Variants in ASCC1 observed in about 807,000 individuals in gnomAD.
ASCC1 encodes the protein ASC-1 complex subunit P50.
Under a neutral mutation model 46.6 loss-of-function variants are expected in ASCC1, and 35 were observed. The ratio of observed to expected loss-of-function variants is 0.75; its 90% CI spans 0.57 to 0.99. The LOEUF is 0.99. Ranked by LOEUF, ASCC1 falls within the 50% of genes least tolerant of loss-of-function variation. ASCC1 has a pLI of 0.00. For missense variants in ASCC1, 376 were observed against 428.7 expected (o/e 0.88, Z 1.09); for synonymous variants, 143 against 146.6 (o/e 0.98, Z 0.18).
At chr10:72,169,655 C>T (rs1051988820) in intron 5 of ASCC1, among the ~76,000 whole-genome samples, 12 of 152,112 alleles carry the variant, frequency 7.9e-5, no homozygotes, top group African/African-American at 2.9e-4. Context: ...GGTATGTATG[C>T]CTCTTACATA....
At chr10:72,217,134 G>A (rs1042176380), upstream of ASCC1, 14 of 443,388 alleles carry the variant, frequency 3.2e-5, no homozygotes, top group Non-Finnish European at 5.4e-5. Flanking sequence ...AGGGTAGAAA[G>A]ACTTTTCGAA....
At chr10:72,108,163 A>G (rs1589178317) in intron 9 of ASCC1, among the ~76,000 whole-genome samples, 2 of 142,284 alleles carry the variant, frequency 1.4e-5, no homozygotes, top group South Asian at 4.4e-4. Flanking sequence ...TGCAGCCTCC[A>G]CCTCCCAGGC....
chr10:72,141,603 C>G (rs1847026707), intron 7 of ASCC1, among the ~76,000 whole-genome samples: 1 of 152,118 alleles, frequency 6.6e-6, no homozygotes, highest in Non-Finnish European at 1.5e-5. Context: ...TTAATTTATA[C>G]TTTTACCAGC....
intron 2 of ASCC1, among the ~76,000 whole-genome samples, chr10:72,211,047 A>C (rs1050738543): frequency 6.6e-6 from 1 of 152,204 alleles, no homozygotes; most frequent in African/African-American, 2.4e-5. Context: ...GACTATTTTA[A>C]ATCTTTCAGT....
At chr10:72,193,440 AACAAAACAC>A (rs1161616755) in intron 5 of ASCC1, among the ~76,000 whole-genome samples, 1 of 115,762 alleles carries the variant, frequency 8.6e-6, no homozygotes, top group Non-Finnish European at 1.7e-5. Context: ...ACAAATAATA[AACAAAACAC>A]ACACACACAC....
chr10:72,137,759 G>A (rs1427941146), intron 7 of ASCC1, among the ~76,000 whole-genome samples: 5 of 152,084 alleles, frequency 3.3e-5, no homozygotes, highest in Non-Finnish European at 7.4e-5. Flanking sequence ...TGTGTTAAAT[G>A]TATATCTATG....
intron 7 of ASCC1, chr10:72,133,485 G>T (rs566376440): frequency 2.9e-6 from 1 of 347,650 alleles, no homozygotes; most frequent in South Asian, 2.9e-5. Flanking sequence ...AGTCTGGAAT[G>T]ATCATTAAAG....
chr10:72,197,090 G>C (rs1855547959), intron 4 of ASCC1, 101 bp from the exon 5 acceptor site: 1 of 1,050,832 alleles, frequency 9.5e-7, no homozygotes, highest in South Asian at 1.3e-5. Flanking sequence ...AAGCAGTTCT[G>C]AATGCGTATA....
intron 9 of ASCC1, among the ~76,000 whole-genome samples, chr10:72,099,115 G>A (rs1841422060): frequency 6.6e-6 from 1 of 152,122 alleles, no homozygotes; most frequent in South Asian, 2.1e-4. Flanking sequence ...TTAAGGATTG[G>A]CAGCCTGTGA....
At chr10:72,126,517 C>T (rs1844879057) in intron 9 of ASCC1, among the ~76,000 whole-genome samples, 1 of 152,166 alleles carries the variant, frequency 6.6e-6, no homozygotes, top group African/African-American at 2.4e-5. Context: ...ATACGGCCAC[C>T]CAACAGGCTC....
At position 72,181,974 on chromosome 10, in the gene ASCC1, C is replaced by G. The variant is rs139370896; in HGVS notation, c.489+14837G>C. 2.7e-3 allele frequency among the ~76,000 whole-genome samples: 411 copies of G among 152,216 alleles called. No individual in the cohort carries two copies. Among genetic ancestry groups the G allele is most frequent in the Non-Finnish European group, 4.9e-3 (334 of 68,012 alleles). ...GTGCTGGGATTACAGGTGTGAGCCA[C>G]CGCACCCGGCCTCCAGTATTCTGAT... On this transcript the variant is annotated intron_variant, in intron 5 of 9. Transcript: ENST00000672957.
intron 5 of ASCC1, among the ~76,000 whole-genome samples, chr10:72,163,572 T>C (rs1180282386): frequency 1.3e-5 from 2 of 151,918 alleles, no homozygotes; most frequent in African/African-American, 2.4e-5. Flanking sequence ...CTGTCTCTAC[T>C]AAAAATACAA....
intron 9 of ASCC1, among the ~76,000 whole-genome samples, chr10:72,107,635 C>A (rs1474998571): frequency 6.6e-6 from 1 of 152,218 alleles, no homozygotes; most frequent in Non-Finnish European, 1.5e-5. Flanking sequence ...TACACACAGA[C>A]ACACATACCT....
chr10:72,165,028 G>T (rs1850167492), intron 5 of ASCC1, among the ~76,000 whole-genome samples: 1 of 151,980 alleles, frequency 6.6e-6, no homozygotes, highest in South Asian at 2.1e-4. Context: ...ACCCATATCG[G>T]TCCATGGGTC....
intron 9 of ASCC1, among the ~76,000 whole-genome samples, chr10:72,122,597 C>A (rs559282909): frequency 6.6e-6 from 1 of 151,946 alleles, no homozygotes; most frequent in South Asian, 2.1e-4. Context: ...CAAAGTGAAA[C>A]CCCATCTTTA....
At chr10:72,194,622 C>T (rs1318563335) in intron 5 of ASCC1, among the ~76,000 whole-genome samples, 2 of 151,838 alleles carry the variant, frequency 1.3e-5, no homozygotes, top group Admixed American at 1.3e-4. Flanking sequence ...GCACTCATAA[C>T]AAAATAGAAA....
At chr10:72,145,052 T>C (rs1051653302) in intron 7 of ASCC1, among the ~76,000 whole-genome samples, 1 of 152,350 alleles carries the variant, frequency 6.6e-6, no homozygotes, top group Admixed American at 6.5e-5. Context: ...ATTTTGTTTT[T>C]TCCTGAGTAC....
intron 5 of ASCC1, among the ~76,000 whole-genome samples, chr10:72,187,172 G>C (rs193014923): frequency 1.3e-5 from 2 of 152,016 alleles, no homozygotes; most frequent in African/African-American, 2.4e-5. Context: ...CACTAAGAAC[G>C]AAGTCATCTT....
intron 7 of ASCC1, among the ~76,000 whole-genome samples, chr10:72,139,199 C>T (rs1295628706): frequency 2.0e-5 from 3 of 148,720 alleles, no homozygotes; most frequent in Admixed American, 6.8e-5. Context: ...TTGCAACCTT[C>T]GCCTCCCAGG....
Sources: gnomAD v4.1 joint callset for allele counts (sites outside exome capture counted in the v4.1 genomes callset) on GRCh38, gnomAD v4.1.1 for gene constraint, MANE v1.5 for transcripts, NCBI Gene and HGNC (gene_info 2026-07-23, HGNC 2026-07-21) for gene names.